Variants in GSG1L observed in about 807,000 individuals in gnomAD.
GSG1L encodes the protein germ cell-specific gene 1-like protein.
GSG1L carries 24 observed loss-of-function variants against 42.1 expected under a neutral mutation model. That is an observed-to-expected ratio of 0.57 (90% CI 0.41 to 0.80). The LOEUF (loss-of-function observed/expected upper bound fraction) is 0.80, where lower values mean the gene tolerates loss of function less well. GSG1L is among the 30% of genes least tolerant of loss of function. GSG1L has a pLI of 0.00. For missense variants in GSG1L, 445 were observed against 472.2 expected (o/e 0.94, Z 0.53); for synonymous variants, 215 against 203.5 (o/e 1.06, Z -0.48).
intron 1 of GSG1L, among the ~76,000 whole-genome samples, chr16:28,013,296 G>A (rs190885087): frequency 1.3e-5 from 2 of 152,186 alleles, no homozygotes; most frequent in Middle Eastern, 3.4e-3. Flanking sequence ...GTCTGGGAGA[G>A]GTAACATTTA....
At chr16:27,863,879 T>G (rs531996833) in intron 3 of GSG1L, among the ~76,000 whole-genome samples, 52 of 152,340 alleles carry the variant, frequency 3.4e-4, no homozygotes, top group African/African-American at 1.2e-3. Flanking sequence ...TAATCACAAG[T>G]GGTGACTACC....
intron 3 of GSG1L, among the ~76,000 whole-genome samples, chr16:27,852,101 A>G (rs2083521751): frequency 1.3e-5 from 2 of 152,248 alleles, no homozygotes; most frequent in African/African-American, 4.8e-5. Context: ...TAATTGATTT[A>G]TAATAGAGTT....
At chr16:27,888,173 C>G in intron 2 of GSG1L, 1 of 981,418 alleles carries the variant, frequency 1.0e-6, no homozygotes, top group Non-Finnish European at 1.2e-6. Context: ...CACGCAGCCC[C>G]CACACCCCAG....
chr16:28,023,571 T>C (rs920067767), intron 1 of GSG1L, among the ~76,000 whole-genome samples: 4 of 152,240 alleles, frequency 2.6e-5, no homozygotes, highest in Non-Finnish European at 5.9e-5. Flanking sequence ...CCACCAGCAT[T>C]GTGTGAAGAT....
At chr16:27,963,368 G>A (rs1333362569) in intron 1 of GSG1L, among the ~76,000 whole-genome samples, 165 bp from the exon 2 acceptor site, 1 of 152,096 alleles carries the variant, frequency 6.6e-6, no homozygotes, top group East Asian at 1.9e-4. Flanking sequence ...TCCCAGGAGT[G>A]TGGATGGCGA....
chr16:28,012,991 G>A (rs1333682875), intron 1 of GSG1L, among the ~76,000 whole-genome samples: 3 of 152,016 alleles, frequency 2.0e-5, no homozygotes, highest in Non-Finnish European at 4.4e-5. Context: ...TTGGGAGGCC[G>A]AGGCGGGTGG....
intron 2 of GSG1L, among the ~76,000 whole-genome samples, chr16:27,907,932 T>A (rs12708705): frequency 6.6e-6 from 1 of 151,920 alleles, no homozygotes; most frequent in Non-Finnish European, 1.5e-5. Flanking sequence ...ACCTTGGCAA[T>A]TGCATCTGCA....
chr16:27,871,461 A>G (rs1450358082), intron 3 of GSG1L, among the ~76,000 whole-genome samples: 3 of 152,090 alleles, frequency 2.0e-5, no homozygotes, highest in South Asian at 2.1e-4. Context: ...GGGCAACATG[A>G]CGAAACCCCG....
chr16:28,044,354 T>A (rs1378902011), intron 1 of GSG1L, among the ~76,000 whole-genome samples: 1 of 152,182 alleles, frequency 6.6e-6, no homozygotes, highest in Non-Finnish European at 1.5e-5. Context: ...TTTTGGCAGC[T>A]TCTTACAAAA....
intron 1 of GSG1L, among the ~76,000 whole-genome samples, chr16:28,039,729 C>T (rs1435714418): frequency 6.6e-6 from 1 of 152,074 alleles, no homozygotes. Flanking sequence ...CACATCCCCA[C>T]ACATGCACAC....
chr16:28,033,922 C>T (rs2085997099), intron 1 of GSG1L, among the ~76,000 whole-genome samples: 1 of 152,154 alleles, frequency 6.6e-6, no homozygotes, highest in African/African-American at 2.4e-5. Flanking sequence ...AGTTCCCTAG[C>T]TCCCATCCCC....
At chr16:27,834,482 T>TG (rs962682545) in intron 4 of GSG1L, among the ~76,000 whole-genome samples, 5 of 136,522 alleles carry the variant, frequency 3.7e-5, no homozygotes. Context: ...TTCTATTTTC[T>TG]GAAAAAAAAA....
At chr16:27,804,318 C>T (rs1301153264) in intron 6 of GSG1L, among the ~76,000 whole-genome samples, 4 of 152,162 alleles carry the variant, frequency 2.6e-5, no homozygotes, top group African/African-American at 4.8e-5. Flanking sequence ...TGTCTGGCTC[C>T]TTCCAGCTGT....
intron 1 of GSG1L, among the ~76,000 whole-genome samples, chr16:28,025,132 C>T (rs2085886049): frequency 1.3e-5 from 2 of 152,192 alleles, no homozygotes; most frequent in African/African-American, 2.4e-5. Flanking sequence ...CATCATGGCT[C>T]AGCAGTAGCC....
chr16:28,020,286 G>A (rs923691578), intron 1 of GSG1L, among the ~76,000 whole-genome samples: 6 of 152,194 alleles, frequency 3.9e-5, no homozygotes, highest in Non-Finnish European at 8.8e-5. Flanking sequence ...CTACTCCAAA[G>A]CGCTGCTATT....
At chr16:27,983,273 T>C (rs920086606) in intron 1 of GSG1L, among the ~76,000 whole-genome samples, 2 of 152,242 alleles carry the variant, frequency 1.3e-5, no homozygotes, top group Admixed American at 1.3e-4. Context: ...AGTTTGAGGC[T>C]GCAGTGAGCC....
chr16:27,839,857 G>A (rs989701983), intron 4 of GSG1L, among the ~76,000 whole-genome samples: 1 of 152,180 alleles, frequency 6.6e-6, no homozygotes, highest in East Asian at 1.9e-4. Context: ...GTTCAGCCCC[G>A]GCTGCATGCA....
At chr16:28,049,007 G>T (rs2086194506) in intron 1 of GSG1L, among the ~76,000 whole-genome samples, 1 of 152,182 alleles carries the variant, frequency 6.6e-6, no homozygotes, top group East Asian at 1.9e-4. Context: ...AACAAATCAG[G>T]CCTGGGGCCT....
chr16:27,892,336 C>A (rs1272108783), intron 2 of GSG1L, among the ~76,000 whole-genome samples: 1 of 151,766 alleles, frequency 6.6e-6, no homozygotes, highest in African/African-American at 2.4e-5. Context: ...GTGCCTGTAG[C>A]CCCAGCTACT....
Sources: allele counts gnomAD v4.1 joint callset (sites outside exome capture counted in the v4.1 genomes callset), GRCh38; gene constraint gnomAD v4.1.1; transcripts MANE v1.5; gene names NCBI Gene and HGNC (gene_info 2026-07-23, HGNC 2026-07-21).